Variants in CLIC4 observed in about 807,000 individuals in gnomAD.
CLIC4 encodes the protein CLIC family member 4.
A neutral mutation model predicts 24.6 loss-of-function variants in CLIC4; 13 were observed. That is an observed-to-expected ratio of 0.53 (90% CI 0.34 to 0.84). The LOEUF is 0.84. Among genes scored for constraint, CLIC4 ranks in the 40% least tolerant of loss-of-function variants. The probability of loss-of-function intolerance (pLI) is 0.01; values close to 1 mark genes in which losing one functional copy is unlikely to be tolerated. For missense variants in CLIC4, 227 were observed against 301.7 expected (o/e 0.75, Z 1.83); for synonymous variants, 104 against 111.3 (o/e 0.93, Z 0.41).
intron 2 of CLIC4, among the ~76,000 whole-genome samples, chr1:24,809,722 A>G (rs1639593018): frequency 1.3e-5 from 2 of 152,120 alleles, no homozygotes; most frequent in African/African-American, 2.4e-5. Flanking sequence ...CGGCCTCACA[A>G]AGTGCTGGGA....
chr1:24,747,685 T>C (rs920817048), intron 1 of CLIC4, among the ~76,000 whole-genome samples: 3 of 152,094 alleles, frequency 2.0e-5, no homozygotes, highest in Admixed American at 6.5e-5. Context: ...AGTGCATCCA[T>C]GAATAATCTG....
chr1:24,829,154 A>G (rs1639815969), intron 4 of CLIC4, among the ~76,000 whole-genome samples: 1 of 152,214 alleles, frequency 6.6e-6, no homozygotes, highest in Admixed American at 6.5e-5. Flanking sequence ...GTCGTTTTAC[A>G]TGGTAAATCA....
intron 1 of CLIC4, among the ~76,000 whole-genome samples, chr1:24,756,938 G>A (rs1367052906): frequency 1.4e-5 from 2 of 147,288 alleles, no homozygotes; most frequent in African/African-American, 2.5e-5. Context: ...TCTTGTTGCC[G>A]AGGCTGGAGT....
chr1:24,835,929 C>T lies in CLIC4; in HGVS notation c.416-3931C>T, dbSNP rs187888667. ...TTCCAAATGAAAAAACAAAGTTTAC[C>T]AACTGGATTAAAAACAATGTTGCTT... On this transcript the variant is annotated intron_variant, in intron 4 of 5. Coordinates refer to ENST00000374379, the MANE Select transcript of CLIC4 (RefSeq NM_013943.3). Among the ~76,000 whole-genome samples, 25 of 152,114 alleles carry T rather than the reference C, an allele frequency of 1.6e-4. No homozygotes were observed. In the East Asian group the frequency reaches 4.2e-3, roughly 26 times the overall value.
intron 3 of CLIC4, among the ~76,000 whole-genome samples, chr1:24,824,541 T>A (rs926887561): frequency 4.6e-5 from 7 of 152,154 alleles, no homozygotes; most frequent in South Asian, 4.2e-4. Context: ...GTGCTGGGAT[T>A]ACAGGCATGA....
At chr1:24,770,122 T>C (rs985497240) in intron 1 of CLIC4, among the ~76,000 whole-genome samples, 10 of 152,156 alleles carry the variant, frequency 6.6e-5, no homozygotes, top group Non-Finnish European at 1.5e-4. Flanking sequence ...TGGCCTCCCA[T>C]TACAGGCATG....
At chr1:24,810,728 G>T (rs139018614) in intron 2 of CLIC4, among the ~76,000 whole-genome samples, 411 of 151,502 alleles carry the variant, frequency 2.7e-3, no homozygotes, top group Non-Finnish European at 4.2e-3. Context: ...AACCATGATT[G>T]TGACACTGCA....
At chr1:24,816,861 A>G (rs1198066903) in intron 3 of CLIC4, among the ~76,000 whole-genome samples, 2 of 152,204 alleles carry the variant, frequency 1.3e-5, no homozygotes, top group African/African-American at 4.8e-5. Flanking sequence ...TTAGTAAACC[A>G]TACTGTGAAC....
chr1:24,808,267 A>T (rs1414255277), intron 2 of CLIC4, among the ~76,000 whole-genome samples: 1 of 152,134 alleles, frequency 6.6e-6, no homozygotes, highest in East Asian at 1.9e-4. Flanking sequence ...CTTGGTATCC[A>T]TGGGGGATTG....
At chr1:24,809,081 C>G (rs778976158) in intron 2 of CLIC4, among the ~76,000 whole-genome samples, 1 of 152,126 alleles carries the variant, frequency 6.6e-6, no homozygotes, top group Non-Finnish European at 1.5e-5. Flanking sequence ...TTGAGCTTGT[C>G]AGACTAAAGA....
intron 1 of CLIC4, among the ~76,000 whole-genome samples, chr1:24,772,132 G>A (rs1207483139): frequency 6.6e-6 from 1 of 152,188 alleles, no homozygotes. Context: ...TATTTCAGGA[G>A]TGAATTCTTT....
chr1:24,771,990 G>C, intron 1 of CLIC4: 2 of 318,158 alleles, frequency 6.3e-6, no homozygotes, highest in Middle Eastern at 8.2e-4. Flanking sequence ...GCAGAAAGTT[G>C]AGCCCTGAGA....
intron 1 of CLIC4, among the ~76,000 whole-genome samples, chr1:24,758,610 C>T (rs1638882453): frequency 1.3e-5 from 2 of 152,074 alleles, no homozygotes; most frequent in Admixed American, 1.3e-4. Context: ...ACACGTACCA[C>T]CATGCCTGGC....
intron 1 of CLIC4, among the ~76,000 whole-genome samples, chr1:24,751,014 A>G (rs1489450645): frequency 3.3e-5 from 5 of 151,952 alleles, no homozygotes; most frequent in Non-Finnish European, 7.4e-5. Flanking sequence ...CTTTCAGAGA[A>G]TTCTGTTGTT....
At chr1:24,748,512 T>G (rs1282460437) in intron 1 of CLIC4, among the ~76,000 whole-genome samples, 21 of 144,912 alleles carry the variant, frequency 1.4e-4, no homozygotes, top group Middle Eastern at 3.5e-3. Flanking sequence ...TTTTTTTTTT[T>G]TTTTTTTTTT....
At chr1:24,792,563 A>T (rs1639352747) in intron 1 of CLIC4, among the ~76,000 whole-genome samples, 2 of 152,250 alleles carry the variant, frequency 1.3e-5, no homozygotes, top group South Asian at 4.1e-4. Flanking sequence ...CAATTTTCTG[A>T]TGCTATTAAG....
intron 1 of CLIC4, among the ~76,000 whole-genome samples, chr1:24,754,882 G>A (rs1233981062): frequency 2.0e-5 from 3 of 151,862 alleles, no homozygotes; most frequent in Non-Finnish European, 4.4e-5. Context: ...GGCCAGCCTG[G>A]CCAACATGGT....
chr1:24,779,411 A>T (rs1487870624), intron 1 of CLIC4, among the ~76,000 whole-genome samples: 3 of 152,178 alleles, frequency 2.0e-5, no homozygotes, highest in African/African-American at 7.2e-5. Context: ...TCAAGGCTGC[A>T]GTGAGCCGTG....
At chr1:24,816,234 GTTTTTTT>G (rs71752506) in intron 3 of CLIC4, among the ~76,000 whole-genome samples, 28 of 62,152 alleles carry the variant, frequency 4.5e-4, no homozygotes, top group African/African-American at 1.3e-3. Context: ...GAATGTTCGT[GTTTTTTT>G]TTTTTTTTTT....
Sources: gnomAD v4.1 joint callset for allele counts (sites outside exome capture counted in the v4.1 genomes callset) on GRCh38, gnomAD v4.1.1 for gene constraint, MANE v1.5 for transcripts, NCBI Gene and HGNC (gene_info 2026-07-23, HGNC 2026-07-21) for gene names.